KCTD8: variants seen among roughly 807,000 people sequenced by gnomAD.
The protein encoded by KCTD8 is potassium channel tetramerization domain containing 8.
Under a neutral mutation model 31.5 loss-of-function variants are expected in KCTD8, and 27 were observed. The observed-to-expected ratio is 0.86, with a 90% CI of 0.63 to 1.18. The LOEUF is 1.18. Among genes scored for constraint, KCTD8 ranks in the 50% most tolerant of loss-of-function variants. KCTD8 has a pLI of 0.00. For missense variants in KCTD8, 658 were observed against 647.7 expected, an observed-to-expected ratio of 1.02 and a Z score of -0.17; for synonymous variants, 290 against 280.0, an observed-to-expected ratio of 1.04 and a Z score of -0.36.
intron 1 of KCTD8, among the ~76,000 whole-genome samples, chr4:44,437,681 T>C (rs1327924918): frequency 6.6e-6 from 1 of 152,140 alleles, no homozygotes; most frequent in East Asian, 1.9e-4. Context: ...AAATACTCTA[T>C]TTTTATTTAG....
At chr4:44,370,229 A>C (rs1365088392) in intron 1 of KCTD8, among the ~76,000 whole-genome samples, 1 of 152,188 alleles carries the variant, frequency 6.6e-6, no homozygotes, top group Non-Finnish European at 1.5e-5. Flanking sequence ...ACTCAAGTCT[A>C]CCTTTACTAT....
intron 1 of KCTD8, among the ~76,000 whole-genome samples, chr4:44,286,706 T>C (rs1717087404): frequency 6.6e-6 from 1 of 152,150 alleles, no homozygotes; most frequent in Non-Finnish European, 1.5e-5. Flanking sequence ...TGGAGTGTTT[T>C]ACATAGGGAA....
chr4:44,318,131 G>A (rs556901174), intron 1 of KCTD8, among the ~76,000 whole-genome samples: 6 of 152,176 alleles, frequency 3.9e-5, no homozygotes, highest in Non-Finnish European at 8.8e-5. Flanking sequence ...TCAATACTAT[G>A]TAGTCTGCTT....
intron 1 of KCTD8, among the ~76,000 whole-genome samples, chr4:44,310,645 C>G (rs186792806): frequency 2.0e-5 from 3 of 152,112 alleles, no homozygotes; most frequent in Middle Eastern, 3.4e-3. Flanking sequence ...CTACAAGAAC[C>G]AATGATCAGA....
intron 1 of KCTD8, among the ~76,000 whole-genome samples, chr4:44,292,087 G>C (rs570633302): frequency 7.9e-5 from 12 of 151,640 alleles, no homozygotes; most frequent in East Asian, 5.8e-4. Context: ...AGTGAAGAAC[G>C]TGAAGTCCCA....
At chr4:44,346,893 G>T (rs1052820659) in intron 1 of KCTD8, among the ~76,000 whole-genome samples, 1 of 152,186 alleles carries the variant, frequency 6.6e-6, no homozygotes, top group Non-Finnish European at 1.5e-5. Flanking sequence ...TATATATTTG[G>T]AAGGAGAGAA....
chr4:44,256,556 A>C (rs1477118167), intron 1 of KCTD8, among the ~76,000 whole-genome samples: 7 of 151,894 alleles, frequency 4.6e-5, no homozygotes, highest in African/African-American at 1.7e-4. Flanking sequence ...GGGAATGTGA[A>C]CTGATACAAC....
intron 1 of KCTD8, among the ~76,000 whole-genome samples, chr4:44,313,419 A>C (rs893271589): frequency 6.6e-6 from 1 of 152,184 alleles, no homozygotes; most frequent in African/African-American, 2.4e-5. Flanking sequence ...GCCGTGGTAG[A>C]GTACCTATAC....
chr4:44,220,200 G>C (rs956168808), intron 1 of KCTD8, among the ~76,000 whole-genome samples: 5 of 152,288 alleles, frequency 3.3e-5, no homozygotes, highest in Admixed American at 2.0e-4. Context: ...CTTGGAAGAT[G>C]GGATATAGAG....
intron 1 of KCTD8, among the ~76,000 whole-genome samples, chr4:44,425,576 G>C (rs1721325889): frequency 6.6e-6 from 1 of 151,964 alleles, no homozygotes; most frequent in Non-Finnish European, 1.5e-5. Context: ...TCCAGACATT[G>C]TCAATGCTTA....
At chr4:44,335,161 T>C (rs1264379903) in intron 1 of KCTD8, among the ~76,000 whole-genome samples, 1 of 152,124 alleles carries the variant, frequency 6.6e-6, no homozygotes, top group Non-Finnish European at 1.5e-5. Context: ...TATGATACTA[T>C]GCACCAGTAT....
At chr4:44,378,645 G>A (rs1416278212) in intron 1 of KCTD8, among the ~76,000 whole-genome samples, 3 of 151,870 alleles carry the variant, frequency 2.0e-5, no homozygotes, top group South Asian at 2.1e-4. Context: ...CCTTACAATT[G>A]AAAAAACAAT....
intron 1 of KCTD8, among the ~76,000 whole-genome samples, chr4:44,435,525 C>T (rs867061694): frequency 2.6e-5 from 4 of 151,706 alleles, no homozygotes; most frequent in Admixed American, 1.3e-4. Flanking sequence ...TGTACTTTTC[C>T]GAATTGATAA....
chr4:44,269,076 T>A (rs1716488511), intron 1 of KCTD8, among the ~76,000 whole-genome samples: 2 of 152,242 alleles, frequency 1.3e-5, no homozygotes, highest in African/African-American at 4.8e-5. Flanking sequence ...AGAGCCCTCA[T>A]TGCCAAGTCA....
chr4:44,256,380 T>C (rs1715995895), intron 1 of KCTD8, among the ~76,000 whole-genome samples: 1 of 151,992 alleles, frequency 6.6e-6, no homozygotes, highest in Non-Finnish European at 1.5e-5. Flanking sequence ...TATATACATA[T>C]ATTTGTAAAA....
At chr4:44,438,703 T>A (rs953496154) in intron 1 of KCTD8, among the ~76,000 whole-genome samples, 2 of 152,092 alleles carry the variant, frequency 1.3e-5, no homozygotes, top group African/African-American at 4.8e-5. Flanking sequence ...TAGATAGGAG[T>A]TGCTTTCAAC....
At chr4:44,271,564 A>G (rs909977354) in intron 1 of KCTD8, among the ~76,000 whole-genome samples, 3 of 152,112 alleles carry the variant, frequency 2.0e-5, no homozygotes, top group African/African-American at 4.8e-5. Context: ...TGTGATGGCC[A>G]TGATGCCCAC....
In KCTD8 at chr4:44,447,679, C is replaced by T; in HGVS notation, c.845G>A (p.Arg282His). Reference protein sequence around the residue: ...KFTYLEQAFDRLSEAGFHMVA... With the variant: ...KFTYLEQAFDHLSEAGFHMVA... ...CATGTGGAAGCCGGCCTCGGACAGG[C>T]GATCAAAGGCCTGCTCCAAGTAGGT... The change falls in exon 1 of 2, where the codon CGC (arginine) becomes CAC (histidine). Residue 282 changes from arginine (R) to histidine (H), a missense_variant. By Grantham distance (29) the Arg-to-His change is conservative. Transcript: ENST00000360029. 1 of 1,612,150 alleles carries T rather than the reference C, an allele frequency of 6.2e-7. No homozygotes were observed. The highest frequency in any genetic ancestry group is 8.5e-7 in the Non-Finnish European group (1 of 1,179,266).
Position 44,174,004 on chromosome 4 carries a change from A to G in KCTD8, c.*786T>C, listed in dbSNP as rs1178980860. ...TAATAGGATCTTTCAAAGCATCATTATACCAATTTTCACAGCCCGATGTAA... is the reference window on the plus strand; with the variant it reads ...TAATAGGATCTTTCAAAGCATCATTGTACCAATTTTCACAGCCCGATGTAA... On this transcript the variant is annotated 3_prime_UTR_variant, in exon 2 of 2. Coordinates refer to ENST00000360029, the MANE Select transcript of KCTD8 (RefSeq NM_198353.3). 6.6e-6 allele frequency: 1 copy of G among 152,164 alleles called. No homozygotes were observed. Among genetic ancestry groups the G allele is most frequent in the African/African-American group, 2.4e-5 (1 of 41,444 alleles). 9.4% of individuals were successfully genotyped at this position (152,164 alleles called of 1,614,324 possible).
Sources: allele counts gnomAD v4.1 joint callset (sites outside exome capture counted in the v4.1 genomes callset), GRCh38; gene constraint gnomAD v4.1.1; transcripts MANE v1.5; gene names NCBI Gene and HGNC (gene_info 2026-07-23, HGNC 2026-07-21).